ZNF581: variants seen among roughly 807,000 people sequenced by gnomAD.
The protein encoded by ZNF581 is zinc finger protein 581.
Under a neutral mutation model 1.2 loss-of-function variants are expected in ZNF581, and 1 was observed. The ratio of observed to expected loss-of-function variants is 0.83; its 90% confidence interval spans 0.30 to 3.95. ZNF581 has a LOEUF of 3.95. Among genes scored for constraint, ZNF581 ranks in the 30% most tolerant of loss-of-function variants. The pLI is 0.18. For synonymous variants in ZNF581, 105 were observed against 109.2 expected, an observed-to-expected ratio of 0.96 and a Z score of 0.24; for missense variants, 273 against 274.6, an observed-to-expected ratio of 0.99 and a Z score of 0.04.
upstream of ZNF581, among the ~76,000 whole-genome samples, chr19:55,641,501 G>C (rs1435318487): frequency 6.6e-6 from 1 of 152,226 alleles, no homozygotes; most frequent in Non-Finnish European, 1.5e-5. Context: ...CAGGGAGAGG[G>C]ATGGGGCTCC....
At chr19:55,641,174 G>T (rs2459751), upstream of ZNF581, 1 of 985,350 alleles carries the variant, frequency 1.0e-6, no homozygotes, top group Non-Finnish European at 1.2e-6. Context: ...CCGAGAGGCC[G>T]CCGCACGGGG....
rs540904633 is a variant in ZNF581 at position 55,644,554 on chromosome 19, C to A, written c.-18C>A. ...CTTATCCCATCTCCCATCCACCAGG[C>A]CTCAGCCAGCCCTCCGGATGCTGGT... On this transcript the variant is annotated splice_region_variant and 5_prime_UTR_variant, in exon 2 of 2. Coordinates refer to ENST00000270451, the MANE Select transcript of ZNF581 (RefSeq NM_016535.4). This position sits in a 1 kb window ranked among gnomAD's most constrained non-coding sequence, Gnocchi z 4.3. The A allele has an allele frequency of 6.4e-7, 1 of 1,558,952 alleles. No homozygotes were observed. The highest frequency in any genetic ancestry group is 8.7e-7 in the Non-Finnish European group (1 of 1,152,026).
chr19:55,639,282 A>T (rs1375889094), upstream of ZNF581, among the ~76,000 whole-genome samples: 4 of 152,130 alleles, frequency 2.6e-5, no homozygotes, highest in Non-Finnish European at 5.9e-5. Flanking sequence ...GGGCCCCCAC[A>T]ACAAAGAGTG....
upstream of ZNF581, among the ~76,000 whole-genome samples, chr19:55,636,440 T>C (rs1982094693): frequency 6.6e-6 from 1 of 152,034 alleles, no homozygotes; most frequent in Non-Finnish European, 1.5e-5. Flanking sequence ...GATCATGTCT[T>C]GGGGTTGAGC....
upstream of ZNF581, chr19:55,642,443 C>A (rs1206801485): frequency 1.4e-6 from 2 of 1,395,552 alleles, no homozygotes; most frequent in African/African-American, 3.0e-5. Flanking sequence ...TTTTAGGAAA[C>A]TTTTCCTAAA....
chr19:55,644,668 C>T lies in ZNF581; in HGVS notation c.97C>T (p.Pro33Ser). 1 of 1,612,856 alleles carries T rather than the reference C, an allele frequency of 6.2e-7. No homozygotes were observed. The highest frequency in any genetic ancestry group is 8.5e-7 in the Non-Finnish European group (1 of 1,179,428). Residue 33 changes from proline (P) to serine (S), a missense_variant, in exon 2 of 2, where the codon CCT becomes TCT. Physicochemically the swap from Pro to Ser is moderately conservative, Grantham distance 74. Coordinates refer to ENST00000270451, the MANE Select transcript of ZNF581 (RefSeq NM_016535.4). The surrounding 1 kb of genome is among the most constrained non-coding windows in gnomAD (Gnocchi z 4.3). Reference protein sequence around the residue: ...PPRRTCRSPEPGPSSSIGSPQ... With the variant: ...PPRRTCRSPESGPSSSIGSPQ... ...CCGTCGGACTTGCCGCTCCCCAGAA[C>T]CTGGACCTTCCTCCTCCATCGGATC...
upstream of ZNF581, chr19:55,642,047 G>A: frequency 1.0e-6 from 1 of 986,204 alleles, no homozygotes; most frequent in Non-Finnish European, 1.2e-6. Context: ...GCAAAGGGAG[G>A]GGAAGTAAAC....
upstream of ZNF581, chr19:55,643,277 G>A (rs1250578731): frequency 2.1e-6 from 1 of 482,378 alleles, no homozygotes; most frequent in African/African-American, 2.0e-5. Context: ...TTCCAGTCCA[G>A]CTGTGCTGTG....
upstream of ZNF581, chr19:55,642,624 C>G: frequency 6.9e-7 from 1 of 1,454,242 alleles, no homozygotes; most frequent in Non-Finnish European, 9.1e-7. Flanking sequence ...TCCTCCACTC[C>G]TTCCTCGGCG....
At position 55,645,279 on chromosome 19, in the gene ZNF581, G is replaced by C. The variant is rs1469149596; in HGVS notation, c.*114G>C. ...GTTCAGGGCCCTGGACACAGACACA[G>C]AGCAGCCGCATCTCAAAGGCAGAGC... On this transcript the variant is annotated 3_prime_UTR_variant, in exon 2 of 2. Transcript: ENST00000270451. 3 of 903,268 alleles carry C rather than the reference G, an allele frequency of 3.3e-6. No individual in the cohort carries two copies. Among genetic ancestry groups the C allele is most frequent in the Non-Finnish European group, 4.8e-6 (3 of 625,924 alleles). The allele number at this position is 903,268 out of a possible 1,614,324, so 56.0% of individuals were successfully genotyped here. A position where few individuals can be genotyped will look rare whatever the true frequency, so the allele number is the denominator to read the frequency against.
upstream of ZNF581, chr19:55,642,341 G>T: frequency 7.9e-7 from 1 of 1,265,924 alleles, no homozygotes; most frequent in South Asian, 3.0e-5. Context: ...GAACGTGGGA[G>T]AGCCGGGCTG....
chr19:55,642,358 C>G, upstream of ZNF581: 1 of 1,276,258 alleles, frequency 7.8e-7, no homozygotes, highest in Non-Finnish European at 9.9e-7. Flanking sequence ...GCTGGAGTCA[C>G]AGTTTTTATT....
At position 55,643,742 on chromosome 19, in the gene ZNF581, G is replaced by C. The variant is rs1982682686; in HGVS notation, c.-52G>C. The C allele has an allele frequency of 6.6e-6, 1 of 152,102 alleles. No individual in the cohort carries two copies. The highest frequency in any genetic ancestry group is 1.5e-5 in the Non-Finnish European group (1 of 68,086). The allele number at this position is 152,102 out of a possible 1,614,324, so 9.4% of individuals were successfully genotyped here. A position where few individuals can be genotyped will look rare whatever the true frequency, so the allele number is the denominator to read the frequency against. On this transcript the variant is annotated 5_prime_UTR_variant, in exon 1 of 2. Transcript: ENST00000270451. ...TGCGAGGGTAGCCCGGGGCCGCTTG[G>C]AGTCGCCCGGACCTGAGAGGCTGCT...
rs1982728943 is a variant in ZNF581, at chr19:55,644,455, A to G, written c.-19-98A>G. ...GGGACTGAGGGGCAGCAGGATGCAG[A>G]GGTCCTGGGCCGGGTATAGGGAGGG... is the stretch of plus-strand genomic sequence containing the variant. On this transcript the variant is annotated intron_variant, in intron 1 of 1. Coordinates refer to ENST00000270451, the MANE Select transcript of ZNF581 (RefSeq NM_016535.4). The surrounding 1 kb of genome is among the most constrained non-coding windows in gnomAD (Gnocchi z 4.3). 1.4e-6 allele frequency: 1 copy of G among 738,222 alleles called. No individual in the cohort carries two copies. The highest frequency in any genetic ancestry group is 2.2e-6 in the Non-Finnish European group (1 of 461,380). The allele number at this position is 738,222 out of a possible 1,614,324, so 45.7% of individuals were successfully genotyped here.
chr19:55,639,088 C>T (rs1038118589), upstream of ZNF581, among the ~76,000 whole-genome samples: 3 of 151,476 alleles, frequency 2.0e-5, no homozygotes, highest in Non-Finnish European at 4.4e-5. Flanking sequence ...GCAAGACACT[C>T]AGGTTGGATA....
At position 55,645,394 on chromosome 19, in the gene ZNF581, C is replaced by G; in HGVS notation, c.*229C>G. ...ATGAGCCCCTACACAGAATGGAGTC[C>G]TCTAGCCTAAAGATATCAGCTGTTC... On this transcript the variant is annotated 3_prime_UTR_variant, in exon 2 of 2. Transcript: ENST00000270451. 1 of 444,682 alleles carries G rather than the reference C, an allele frequency of 2.2e-6. No homozygotes were observed. The highest frequency in any genetic ancestry group is 3.4e-5 in the East Asian group (1 of 29,444). 27.5% of individuals were successfully genotyped at this position (444,682 alleles called of 1,614,324 possible). A position where few individuals can be genotyped will look rare whatever the true frequency, so the allele number is the denominator to read the frequency against.
upstream of ZNF581, chr19:55,642,035 C>A (rs1473545922): frequency 6.2e-4 from 573 of 927,176 alleles, 1 homozygote; most frequent in Non-Finnish European, 6.7e-4. Context: ...GGGTAGGGGG[C>A]GGCAAAGGGA....
chr19:55,644,002 G>C lies in ZNF581; in HGVS notation c.-20+228G>C, dbSNP rs73062519. Among the ~76,000 whole-genome samples the C allele has an allele frequency of 0.02, 2,987 of 152,326 alleles. 53 individuals carry two copies. The highest frequency in any genetic ancestry group is 0.037 in the Middle Eastern group (11 of 294). ...ACCTAGAACGAGCCTGGTGGAGGCC[G>C]GGCGAGGACTAGAGAGAACCTGAGG... On this transcript the variant is annotated intron_variant, in intron 1 of 1. Transcript: ENST00000270451. This position sits in a 1 kb window ranked among gnomAD's most constrained non-coding sequence, Gnocchi z 4.3.
At chr19:55,638,760 A>C (rs1421486730), upstream of ZNF581, among the ~76,000 whole-genome samples, 1 of 152,058 alleles carries the variant, frequency 6.6e-6, no homozygotes, top group Non-Finnish European at 1.5e-5. Flanking sequence ...AGGCTGAGGC[A>C]GGTGGATCAC....
Sources: gnomAD v4.1 joint callset for allele counts (sites outside exome capture counted in the v4.1 genomes callset) on GRCh38, gnomAD v4.1.1 for gene constraint, Gnocchi (gnomAD v3.1) non-coding constraint, MANE v1.5 for transcripts, NCBI Gene and HGNC (gene_info 2026-07-23, HGNC 2026-07-21) for gene names.